Variants in LRPPRC observed in about 807,000 individuals in gnomAD.
LRPPRC encodes leucine rich pentatricopeptide repeat containing.
Under a neutral mutation model 180.3 loss-of-function variants are expected in LRPPRC, and 120 were observed. That is an observed-to-expected ratio of 0.67 (90% CI 0.57 to 0.77). The LOEUF (loss-of-function observed/expected upper bound fraction) is 0.77, where lower values mean the gene tolerates loss of function less well. Ranked by LOEUF, LRPPRC falls within the 30% of genes least tolerant of loss-of-function variation. LRPPRC has a pLI of 0.00. For missense variants in LRPPRC, 2,012 were observed against 1,657.2 expected (o/e 1.21, Z -3.72); for synonymous variants, 723 against 600.0 (o/e 1.21, Z -3.00).
Position 43,912,350 on chromosome 2 carries a change from C to T in LRPPRC, c.3275+82G>A, listed in dbSNP as rs1671292570. 18 of 1,268,730 alleles carry T rather than the reference C, an allele frequency of 1.4e-5. No homozygotes were observed. In the South Asian group the frequency reaches 2.0e-4, roughly 14 times the overall value. The allele number at this position is 1,268,730 out of a possible 1,614,324, so 78.6% of individuals were successfully genotyped here. ...CCAATCAAGCAATTTTACTACACAG[C>T]ACATTACTATTATAATTATTGGCTA... On this transcript the variant is annotated intron_variant, in intron 30 of 37. Transcript: ENST00000260665.
At position 43,901,449 on chromosome 2, in the gene LRPPRC, T is replaced by C. The variant is rs1558906018; in HGVS notation, c.3440A>G (p.Gln1147Arg). 1 of 1,613,944 alleles carries C rather than the reference T, an allele frequency of 6.2e-7. No homozygotes were observed. The highest frequency in any genetic ancestry group is 1.1e-5 in the South Asian group (1 of 91,072). Residue 1147 changes from glutamine to arginine, a missense_variant, in exon 32 of 38, where the codon CAG (glutamine) becomes CGG (arginine). Transcript: ENST00000260665. ...AACATCACCCTTCATGGCCAATGCC[T>C]GGATGACACGGGTCACTGCTAACCT... ...PSRLAVTRVI[Q>R]ALAMKGDVEN... is the part of the protein sequence containing the mutation.
At position 43,901,243 on chromosome 2, in the gene LRPPRC, A is replaced by G. The variant is rs952209961; in HGVS notation, c.3569+77T>C. 5.6e-6 allele frequency: 6 copies of G among 1,076,042 alleles called. No homozygotes were observed. The East Asian group carries it at 1.2e-4, about 21-fold the overall frequency. The allele number at this position is 1,076,042 out of a possible 1,614,324, so 66.7% of individuals were successfully genotyped here. ...GATAAGGTTTCCACATGTCTAAAAAAGTTTTTAAAAGGTGGTATCTGAGGC... is the reference window on the plus strand; with the variant it reads ...GATAAGGTTTCCACATGTCTAAAAAGGTTTTTAAAAGGTGGTATCTGAGGC... On this transcript the variant is annotated intron_variant, in intron 32 of 37. Coordinates refer to ENST00000260665, the MANE Select transcript of LRPPRC (RefSeq NM_133259.4).
intron 14 of LRPPRC, among the ~76,000 whole-genome samples, chr2:43,955,228 G>C (rs1464070382): frequency 1.3e-5 from 2 of 152,108 alleles, no homozygotes; most frequent in African/African-American, 2.4e-5. Flanking sequence ...AGCACCTTGG[G>C]AGGCAGAGGT....
In LRPPRC at chr2:43,934,742, A is replaced by C. The variant is rs367880065; in HGVS notation, c.2629+12T>G. ...AAAAAAAACTACATTAAGATACTAGAAAGTGACTCACCTTTCTGAATTAGA... is the reference window on the plus strand; with the variant it reads ...AAAAAAAACTACATTAAGATACTAGCAAGTGACTCACCTTTCTGAATTAGA... On this transcript the variant is annotated intron_variant, in intron 24 of 37. Transcript: ENST00000260665. 1.8e-5 allele frequency: 29 copies of C among 1,612,244 alleles called. No individual in the cohort carries two copies. The highest frequency in any genetic ancestry group is 1.6e-4 in the East Asian group (7 of 44,818).
chr2:43,952,146 T>A (rs1013509855), intron 14 of LRPPRC, among the ~76,000 whole-genome samples: 23 of 151,064 alleles, frequency 1.5e-4, no homozygotes, highest in African/African-American at 5.1e-4. Context: ...TGAGCCAAGA[T>A]CGCGCCACTG....
rs757247327 is a variant in LRPPRC, at chr2:43,934,862, C to T, written c.2521G>A (p.Ala841Thr). ...TAGCAGTCAATGGCGACCTCAAGAG[C>T]AGTAGATAGGTCGCCCCTTAGAAAC... ...VHLEKGDLST[A>T]LEVAIDCYEK... Residue 841 changes from alanine to threonine, a missense_variant, in exon 24 of 38, where the codon GCT becomes ACT. Transcript: ENST00000260665. 6.2e-7 allele frequency: 1 copy of T among 1,612,990 alleles called. No individual in the cohort carries two copies. Among genetic ancestry groups the T allele is most frequent in the Non-Finnish European group, 8.5e-7 (1 of 1,179,188 alleles).
intron 1 of LRPPRC, among the ~76,000 whole-genome samples, chr2:43,987,721 CCT>C (rs1486013989): frequency 2.0e-5 from 3 of 152,052 alleles, no homozygotes; most frequent in African/African-American, 4.8e-5. Flanking sequence ...CAGGCTTCAG[CCT>C]CTCTTCATAC....
At chr2:43,987,151 C>T (rs1322090716) in intron 1 of LRPPRC, among the ~76,000 whole-genome samples, 1 of 152,098 alleles carries the variant, frequency 6.6e-6, no homozygotes, top group African/African-American at 2.4e-5. Flanking sequence ...GCTGGAGCCT[C>T]CCGAGTTTTA....
chr2:43,906,589 C>T (rs948568289), intron 30 of LRPPRC, among the ~76,000 whole-genome samples: 6 of 152,160 alleles, frequency 3.9e-5, no homozygotes, highest in Non-Finnish European at 1.5e-5. Flanking sequence ...AGTTCATCTC[C>T]GGATTAGAAA....
chr2:43,977,005 A>G lies in LRPPRC; in HGVS notation c.639T>C (p.Ile213=), dbSNP rs769108821. ...LIASYCNVGD[I]EGASKILGFM... The stretch of plus-strand genomic sequence containing the variant: ...ATACAGATCCATACCTGGCACCTTC[A>G]ATATCTCCTACATTACAATAAGAAG... Residue 213 remains isoleucine (I), a synonymous_variant, in exon 5 of 38, where the codon ATT becomes ATC. Transcript: ENST00000260665. 1 of 1,613,214 alleles carries G rather than the reference A, an allele frequency of 6.2e-7. No homozygotes were observed. Among genetic ancestry groups the G allele is most frequent in the South Asian group, 1.1e-5 (1 of 91,036 alleles).
At chr2:43,894,843 A>T (rs1670623806) in intron 35 of LRPPRC, among the ~76,000 whole-genome samples, 1 of 152,230 alleles carries the variant, frequency 6.6e-6, no homozygotes, top group Non-Finnish European at 1.5e-5. Flanking sequence ...AGGTTAATGC[A>T]ATTCCACTTA....
chr2:43,950,424 A>C (rs947616983), intron 15 of LRPPRC, 149 bp downstream of exon 15: 6 of 703,502 alleles, frequency 8.5e-6, no homozygotes, highest in African/African-American at 7.2e-5. Flanking sequence ...AAAGACACAC[A>C]TAACTATTAT....
At chr2:43,983,342 ACAC>A (rs1674393911) in intron 1 of LRPPRC, among the ~76,000 whole-genome samples, 1 of 151,854 alleles carries the variant, frequency 6.6e-6, no homozygotes, top group African/African-American at 2.4e-5. Flanking sequence ...AGGAAAAAAA[ACAC>A]CACAATTTTT....
chr2:43,971,455 C>G (rs1308465008), intron 11 of LRPPRC, among the ~76,000 whole-genome samples: 1 of 133,126 alleles, frequency 7.5e-6, no homozygotes, highest in Non-Finnish European at 1.5e-5. Context: ...AGGGCACATG[C>G]CCTCAGGACC....
intron 11 of LRPPRC, among the ~76,000 whole-genome samples, chr2:43,968,214 C>T (rs1260023492): frequency 6.6e-6 from 1 of 152,168 alleles, no homozygotes; most frequent in African/African-American, 2.4e-5. Context: ...AATTTGGTGG[C>T]TTACACACTA....
At chr2:43,945,290 A>G in intron 22 of LRPPRC, 42 bp downstream of exon 22, 1 of 1,261,308 alleles carries the variant, frequency 7.9e-7, no homozygotes, top group Non-Finnish European at 1.2e-6. Context: ...TCCAGTGGCA[A>G]GATACTTGCA....
In LRPPRC at chr2:43,974,144, G is replaced by A. The variant is rs1347716030; in HGVS notation, c.1155+6C>T. 3.7e-6 allele frequency: 6 copies of A among 1,612,842 alleles called. No individual in the cohort carries two copies. In the African/African-American group the frequency reaches 4.0e-5, roughly 11 times the overall value. On this transcript the variant is annotated splice_donor_region_variant and intron_variant, in intron 9 of 37. Transcript: ENST00000260665. Reference sequence around the variant, plus strand: ...ATTGTCTACAAAGTAAAAGTGGACAGAATACCGTATTCATAGTCACACAGT... The same window carrying A: ...ATTGTCTACAAAGTAAAAGTGGACAAAATACCGTATTCATAGTCACACAGT...
At chr2:43,918,235 G>A (rs7568481) in intron 28 of LRPPRC, 21 bp downstream of exon 28, 9 of 1,610,970 alleles carry the variant, frequency 5.6e-6, no homozygotes, top group Non-Finnish European at 7.6e-6. Flanking sequence ...AATCTGTTAC[G>A]ATTATGCCAA....
At position 43,956,210 on chromosome 2, in the gene LRPPRC, T is replaced by C. The variant is rs1450376695; in HGVS notation, c.1649+1175A>G. Among the ~76,000 whole-genome samples, 7 of 151,778 alleles carry C rather than the reference T, an allele frequency of 4.6e-5. No individual in the cohort carries two copies. The East Asian group carries it at 1.4e-3, about 29-fold the overall frequency. On this transcript the variant is annotated intron_variant, in intron 14 of 37. Transcript: ENST00000260665. ...AGGAAATTGTTCTGCATTAAGATAA[T>C]AAAGAGATGTAGCAATCAAATCCAA... is the stretch of plus-strand genomic sequence containing the variant.
Sources: gnomAD v4.1 joint callset for allele counts (sites outside exome capture counted in the v4.1 genomes callset) on GRCh38, gnomAD v4.1.1 for gene constraint, MANE v1.5 for transcripts, NCBI Gene and HGNC (gene_info 2026-07-23, HGNC 2026-07-21) for gene names.